Variants in CNTLN observed in about 807,000 individuals in gnomAD.
CNTLN encodes centlein, centrosomal protein.
In CNTLN, 212 loss-of-function variants were observed where a neutral mutation model predicts 180.0. The ratio of observed to expected loss-of-function variants is 1.18; its 90% CI spans 1.05 to 1.32. The LOEUF is 1.32. Among genes scored for constraint, CNTLN ranks in the 40% most tolerant of loss-of-function variants. The probability of loss-of-function intolerance (pLI) is 0.00; values close to 1 mark genes in which losing one functional copy is unlikely to be tolerated. For synonymous variants in CNTLN, 722 were observed against 563.1 expected (o/e 1.28, Z -3.99); for missense variants, 2,095 against 1,610.9 (o/e 1.30, Z -5.14).
chr9:17,311,451 G>GTTT (rs112794584), intron 8 of CNTLN, among the ~76,000 whole-genome samples: 5,515 of 133,750 alleles, frequency 0.041, 220 homozygotes, highest in African/African-American at 0.11. Context: ...GGGTTTTTCT[G>GTTT]TTTTTTTTTT....
Position 17,341,726 on chromosome 9 carries a change from GA to G in CNTLN, c.1767-595del, listed in dbSNP as rs200482986. Among the ~76,000 whole-genome samples the G allele has an allele frequency of 5.2e-3, 799 of 152,300 alleles. 4 individuals carry two copies. The highest frequency in any genetic ancestry group is 8.2e-3 in the Non-Finnish European group (561 of 68,002). On this transcript the variant is annotated intron_variant, in intron 11 of 25. Coordinates refer to ENST00000380647, the MANE Select transcript of CNTLN (RefSeq NM_017738.4). ...AGAATTTGTTTTATGTTCAGAAAAT[GA>G]AAATGTAAAGGGCATTTGGCATCAC... is the stretch of plus-strand genomic sequence containing the variant.
chr9:17,255,815 C>G (rs1016789455), intron 5 of CNTLN, among the ~76,000 whole-genome samples: 4 of 151,808 alleles, frequency 2.6e-5, no homozygotes, highest in African/African-American at 9.7e-5. Context: ...TTTTTGATTA[C>G]TGATTCAGTC....
chr9:17,481,870 C>T (rs1241680995), intron 23 of CNTLN, among the ~76,000 whole-genome samples: 1 of 152,232 alleles, frequency 6.6e-6, no homozygotes, highest in Non-Finnish European at 1.5e-5. Context: ...GAGAACCTGA[C>T]AGCAAGTACT....
chr9:17,486,464 C>T (rs966619943), intron 24 of CNTLN, among the ~76,000 whole-genome samples: 2 of 151,996 alleles, frequency 1.3e-5, no homozygotes, highest in Non-Finnish European at 1.5e-5. Context: ...ACTTTGTGAC[C>T]TATAGCACTT....
chr9:17,340,713 GT>G, intron 10 of CNTLN, 113 bp from the exon 11 acceptor site: 1 of 795,178 alleles, frequency 1.3e-6, no homozygotes, highest in Non-Finnish European at 1.8e-6. Context: ...ATTCATTTAT[GT>G]TTACACACTA....
chr9:17,447,104 C>A, intron 18 of CNTLN: 1 of 208,194 alleles, frequency 4.8e-6, no homozygotes, highest in South Asian at 9.2e-5. Context: ...GGGCAACTCA[C>A]TGCCATCAGG....
At chr9:17,144,749 T>A (rs1168939591) in intron 2 of CNTLN, among the ~76,000 whole-genome samples, 1 of 151,616 alleles carries the variant, frequency 6.6e-6, no homozygotes, top group Non-Finnish European at 1.5e-5. Flanking sequence ...TTTTGGAGAT[T>A]ACTGCTTTAT....
chr9:17,517,298 A>G, the CNTLN span, among the ~76,000 whole-genome samples: 9 of 152,046 alleles, frequency 5.9e-5, no homozygotes, highest in Non-Finnish European at 1.2e-4. Flanking sequence ...AGGCTGAGGC[A>G]GGAGAATGGC....
At chr9:17,283,458 C>G (rs1422379535) in intron 6 of CNTLN, among the ~76,000 whole-genome samples, 2 of 152,112 alleles carry the variant, frequency 1.3e-5, no homozygotes, top group Non-Finnish European at 2.9e-5. Flanking sequence ...TATACTGAGA[C>G]TTTGCTGAAG....
At chr9:17,346,029 A>G (rs1341872678) in intron 12 of CNTLN, among the ~76,000 whole-genome samples, 1 of 152,250 alleles carries the variant, frequency 6.6e-6, no homozygotes, top group East Asian at 1.9e-4. Flanking sequence ...TTTTCACAGT[A>G]TAAAGAAATA....
intron 2 of CNTLN, among the ~76,000 whole-genome samples, chr9:17,214,476 C>T (rs1413237696): frequency 6.6e-6 from 1 of 152,186 alleles, no homozygotes; most frequent in Non-Finnish European, 1.5e-5. Context: ...TTCTCTCTGG[C>T]TGCCCTTAAT....
chr9:17,172,894 G>A (rs1019010427), intron 2 of CNTLN, among the ~76,000 whole-genome samples: 1 of 152,100 alleles, frequency 6.6e-6, no homozygotes, highest in Non-Finnish European at 1.5e-5. Context: ...TTATGCTGAT[G>A]TTTCATCTTT....
In CNTLN at chr9:17,143,359, C is replaced by G. The variant is rs372422607; in HGVS notation, c.432C>G (p.Val144=). The G allele has an allele frequency of 3.1e-6, 5 of 1,613,140 alleles. No individual in the cohort carries two copies. The highest frequency in any genetic ancestry group is 1.1e-5 in the South Asian group (1 of 90,960). Residue 144 remains valine, a synonymous_variant, in exon 2 of 26, where the codon GTC becomes GTG. Coordinates refer to ENST00000380647, the MANE Select transcript of CNTLN (RefSeq NM_017738.4). ...CAAACCCAGATCTCACACAAGTGGTCAGTTTGGTTGTGGAAAGGTGAGCTC... is the reference window on the plus strand; with the variant it reads ...CAAACCCAGATCTCACACAAGTGGTGAGTTTGGTTGTGGAAAGGTGAGCTC... ...QVTNPDLTQV[V]SLVVEREKQK... is the part of the protein sequence containing the mutation.
intron 7 of CNTLN, 67 bp from the exon 8 acceptor site, chr9:17,308,991 C>G (rs1460850558): frequency 9.3e-7 from 1 of 1,075,544 alleles, no homozygotes; most frequent in Non-Finnish European, 1.3e-6. Flanking sequence ...CACACACACA[C>G]ACACAGACAC....
chr9:17,353,457 A>T (rs1321002172), intron 12 of CNTLN, among the ~76,000 whole-genome samples: 3 of 151,698 alleles, frequency 2.0e-5, no homozygotes, highest in African/African-American at 7.3e-5. Flanking sequence ...GCATTTTCTT[A>T]ATGAGTAATG....
intron 18 of CNTLN, among the ~76,000 whole-genome samples, chr9:17,421,789 T>C (rs1828744266): frequency 6.6e-6 from 1 of 152,152 alleles, no homozygotes; most frequent in South Asian, 2.1e-4. Flanking sequence ...TTGTAACCAA[T>C]TATTTTAAAC....
intron 2 of CNTLN, among the ~76,000 whole-genome samples, chr9:17,174,110 T>A (rs897931474): frequency 6.6e-6 from 1 of 152,244 alleles, no homozygotes; most frequent in African/African-American, 2.4e-5. Flanking sequence ...CTTTTTAGTA[T>A]AGGCTTTTCA....
intron 13 of CNTLN, among the ~76,000 whole-genome samples, chr9:17,377,495 T>G (rs948607546): frequency 6.6e-6 from 1 of 152,106 alleles, no homozygotes; most frequent in Non-Finnish European, 1.5e-5. Flanking sequence ...GAGCCAAGAT[T>G]GCGTCATTGC....
intron 10 of CNTLN, among the ~76,000 whole-genome samples, chr9:17,338,117 C>A (rs1821174017): frequency 7.0e-6 from 1 of 143,408 alleles, no homozygotes; most frequent in South Asian, 2.4e-4. Flanking sequence ...AATTTCCCTC[C>A]CTCCTTCTTT....
Sources: allele counts gnomAD v4.1 joint callset (sites outside exome capture counted in the v4.1 genomes callset), GRCh38; gene constraint gnomAD v4.1.1; transcripts MANE v1.5; gene names NCBI Gene and HGNC (gene_info 2026-07-23, HGNC 2026-07-21).